The following SPON1 variants were observed in gnomAD, a reference collection of about 807,000 sequenced individuals.
SPON1 encodes the protein spondin-1.
Under a neutral mutation model 111.7 loss-of-function variants are expected in SPON1, and 52 were observed. The observed-to-expected ratio is 0.47, with a 90% CI of 0.37 to 0.59. The LOEUF is 0.59. Ranked by LOEUF, SPON1 falls within the 20% of genes least tolerant of loss-of-function variation. The pLI, the probability that SPON1 is intolerant of heterozygous loss-of-function variation, is 0.00. For missense variants in SPON1, 957 were observed against 1,068.5 expected, an observed-to-expected ratio of 0.90 and a Z score of 1.46; for synonymous variants, 410 against 395.8, an observed-to-expected ratio of 1.04 and a Z score of -0.43.
At chr11:14,167,029 G>A (rs1848038141) in intron 6 of SPON1, among the ~76,000 whole-genome samples, 1 of 152,012 alleles carries the variant, frequency 6.6e-6, no homozygotes, top group Admixed American at 6.6e-5. Flanking sequence ...CACACAGTCT[G>A]TTACCAAAAT....
intron 2 of SPON1, among the ~76,000 whole-genome samples, chr11:14,020,313 T>C (rs1848471446): frequency 6.6e-6 from 1 of 152,084 alleles, no homozygotes; most frequent in South Asian, 2.1e-4. Flanking sequence ...GAGAGGCAAG[T>C]CTACAGGGGT....
intron 5 of SPON1, among the ~76,000 whole-genome samples, chr11:14,092,081 G>A (rs1849063914): frequency 6.6e-6 from 1 of 152,234 alleles, no homozygotes; most frequent in African/African-American, 2.4e-5. Context: ...CCCGCCTTCT[G>A]CATTGGTCTT....
intron 2 of SPON1, among the ~76,000 whole-genome samples, chr11:13,999,957 C>T (rs746969435): frequency 8.1e-4 from 123 of 152,104 alleles, no homozygotes; most frequent in Non-Finnish European, 1.4e-3. Flanking sequence ...ATCCTTCTAC[C>T]AGGTGGTTAC....
intron 5 of SPON1, among the ~76,000 whole-genome samples, chr11:14,121,938 G>A (rs1276504208): frequency 6.6e-6 from 1 of 150,904 alleles, no homozygotes; most frequent in South Asian, 2.1e-4. Context: ...CTTCTAGTTT[G>A]CCTTGTTTTT....
At chr11:14,208,012 A>G (rs1848533486) in intron 6 of SPON1, among the ~76,000 whole-genome samples, 1 of 152,214 alleles carries the variant, frequency 6.6e-6, no homozygotes, top group Non-Finnish European at 1.5e-5. Flanking sequence ...ACCATAGAAT[A>G]CTATGCATCC....
intron 4 of SPON1, among the ~76,000 whole-genome samples, chr11:14,078,382 A>G (rs1188532373): frequency 6.6e-6 from 1 of 152,154 alleles, no homozygotes; most frequent in Admixed American, 6.6e-5. Flanking sequence ...TGCCTCATTT[A>G]ATAGCCCCTA....
At chr11:14,000,619 G>A (rs191188518) in intron 2 of SPON1, among the ~76,000 whole-genome samples, 40 of 152,210 alleles carry the variant, frequency 2.6e-4, no homozygotes, top group Non-Finnish European at 4.0e-4. Flanking sequence ...CTGACTTATG[G>A]TATTGATAAG....
chr11:14,127,515 G>C (rs112509194), intron 5 of SPON1, among the ~76,000 whole-genome samples: 3,309 of 152,054 alleles, frequency 0.022, 123 homozygotes, highest in African/African-American at 0.075. Context: ...CCTATCCCTG[G>C]GTATGTCCTA....
intron 3 of SPON1, among the ~76,000 whole-genome samples, chr11:14,045,312 G>C (rs782570841): frequency 2.6e-5 from 4 of 152,110 alleles, no homozygotes; most frequent in Non-Finnish European, 5.9e-5. Context: ...GCTCTTGCTT[G>C]TAATCCCAGC....
intron 6 of SPON1, among the ~76,000 whole-genome samples, chr11:14,146,359 A>C (rs10766149): frequency 0.39 from 59,604 of 151,834 alleles, 11,952 homozygotes; most frequent in East Asian, 0.55. Context: ...CATGTTGGCC[A>C]GGCTGGTCTC....
At chr11:14,140,187 C>G (rs151291662) in intron 6 of SPON1, among the ~76,000 whole-genome samples, 1 of 152,284 alleles carries the variant, frequency 6.6e-6, no homozygotes, top group Non-Finnish European at 1.5e-5. Context: ...TCTCCTTTTC[C>G]AATCCACGTC....
intron 3 of SPON1, among the ~76,000 whole-genome samples, chr11:14,052,894 C>G (rs1321469615): frequency 1.3e-5 from 2 of 152,124 alleles, no homozygotes; most frequent in African/African-American, 4.8e-5. Context: ...TAAACTGAAG[C>G]TTGGTGGGAA....
At chr11:14,242,805 G>C (rs1195382832) in intron 6 of SPON1, among the ~76,000 whole-genome samples, 2 of 152,208 alleles carry the variant, frequency 1.3e-5, no homozygotes, top group Non-Finnish European at 2.9e-5. Context: ...GGCACCACGG[G>C]TATGGGGCCT....
At chr11:14,068,833 G>A (rs990641754) in intron 3 of SPON1, among the ~76,000 whole-genome samples, 2 of 152,142 alleles carry the variant, frequency 1.3e-5, no homozygotes, top group Non-Finnish European at 2.9e-5. Flanking sequence ...AGAGTCATTC[G>A]GGTATGTTCC....
At chr11:14,009,291 A>C (rs1183485466) in intron 2 of SPON1, among the ~76,000 whole-genome samples, 1 of 151,942 alleles carries the variant, frequency 6.6e-6, no homozygotes, top group Non-Finnish European at 1.5e-5. Flanking sequence ...TCATCTCTCC[A>C]CCTCATCTTG....
intron 5 of SPON1, among the ~76,000 whole-genome samples, chr11:14,091,788 G>T (rs913159033): frequency 6.6e-6 from 1 of 152,236 alleles, no homozygotes; most frequent in Admixed American, 6.5e-5. Context: ...AGTGCAGTGG[G>T]GGGCTGAAGG....
intron 5 of SPON1, among the ~76,000 whole-genome samples, chr11:14,111,321 A>G (rs1055587629): frequency 6.6e-6 from 1 of 152,158 alleles, no homozygotes; most frequent in African/African-American, 2.4e-5. Context: ...CCTGCATTCT[A>G]TGATTTTATG....
At chr11:14,008,349 A>G (rs1848379672) in intron 2 of SPON1, among the ~76,000 whole-genome samples, 1 of 151,942 alleles carries the variant, frequency 6.6e-6, no homozygotes, top group Admixed American at 6.5e-5. Flanking sequence ...TTTTCTTCCT[A>G]CCATTTACAC....
At chr11:14,230,102 A>G (rs1554938508) in intron 6 of SPON1, among the ~76,000 whole-genome samples, 1 of 152,130 alleles carries the variant, frequency 6.6e-6, no homozygotes, top group Non-Finnish European at 1.5e-5. Context: ...CGAGAATGAA[A>G]AGGGTTAACC....
Sources: gnomAD v4.1 joint callset for allele counts (sites outside exome capture counted in the v4.1 genomes callset) on GRCh38, gnomAD v4.1.1 for gene constraint, MANE v1.5 for transcripts, NCBI Gene and HGNC (gene_info 2026-07-23, HGNC 2026-07-21) for gene names.